CNTLN: variants seen among roughly 807,000 people sequenced by gnomAD.
The protein encoded by CNTLN is centlein, centrosomal protein.
In CNTLN, 212 loss-of-function variants were observed where a neutral mutation model predicts 180.0. That is an observed-to-expected ratio of 1.18 (90% CI 1.05 to 1.32). The LOEUF (loss-of-function observed/expected upper bound fraction) is 1.32. Among genes scored for constraint, CNTLN ranks in the 40% most tolerant of loss-of-function variants. The pLI is 0.00. For missense variants in CNTLN, 2,095 were observed against 1,610.9 expected (o/e 1.30, Z -5.14); for synonymous variants, 722 against 563.1 (o/e 1.28, Z -3.99).
intron 8 of CNTLN, among the ~76,000 whole-genome samples, chr9:17,325,378 A>ATGTGTGTGTG (rs74311460): frequency 6.2e-5 from 8 of 128,090 alleles, no homozygotes; most frequent in Admixed American, 2.3e-4. Flanking sequence ...ATGTGTATGT[A>ATGTGTGTGTG]TGTGTGTGTG....
At chr9:17,289,923 A>G (rs1347374608) in intron 6 of CNTLN, among the ~76,000 whole-genome samples, 2 of 145,786 alleles carry the variant, frequency 1.4e-5, no homozygotes, top group Non-Finnish European at 3.0e-5. Context: ...AATTTTTTTC[A>G]AAGTTTTCAA....
rs978413191 is a variant in CNTLN, at chr9:17,236,369, T to C, written c.670-40T>C. 2.0e-6 allele frequency: 3 copies of C among 1,503,116 alleles called. No individual in the cohort carries two copies. In the South Asian group the frequency reaches 4.1e-5, roughly 21 times the overall value. The allele number at this position is 1,503,116 out of a possible 1,614,324, so 93.1% of individuals were successfully genotyped here. On this transcript the variant is annotated intron_variant, in intron 4 of 25. Coordinates refer to ENST00000380647, the MANE Select transcript of CNTLN (RefSeq NM_017738.4). ...ACCATTTTTTGGGTTTTTTGTTTCG[T>C]TTTGTTTTATTTATTTGCCCTTGTG... is the stretch of plus-strand genomic sequence containing the variant.
At chr9:17,222,664 G>T (rs772098712) in intron 2 of CNTLN, among the ~76,000 whole-genome samples, 5 of 151,928 alleles carry the variant, frequency 3.3e-5, no homozygotes, top group Non-Finnish European at 7.4e-5. Flanking sequence ...CCAGTCTCGG[G>T]TATGTCTTTA....
intron 2 of CNTLN, among the ~76,000 whole-genome samples, chr9:17,146,282 C>G (rs564023128): frequency 7.9e-5 from 12 of 152,102 alleles, no homozygotes; most frequent in African/African-American, 2.7e-4. Context: ...CTTCTTCTCT[C>G]TTTTCTCTCT....
the CNTLN span, among the ~76,000 whole-genome samples, chr9:17,526,694 A>G: frequency 7.9e-5 from 12 of 152,352 alleles, no homozygotes; most frequent in African/African-American, 2.9e-4. Flanking sequence ...TAGCCAAGTC[A>G]TACGTATATT....
At chr9:17,356,024 A>G (rs1022738995) in intron 12 of CNTLN, among the ~76,000 whole-genome samples, 35 of 149,658 alleles carry the variant, frequency 2.3e-4, no homozygotes, top group African/African-American at 8.4e-4. Flanking sequence ...AGATCACGCC[A>G]CTGCACTCCA....
At chr9:17,298,080 A>G in intron 6 of CNTLN, 110 bp from the exon 7 acceptor site, 1 of 861,744 alleles carries the variant, frequency 1.2e-6, no homozygotes, top group South Asian at 4.1e-5. Context: ...CTGCAGTACA[A>G]ATAACAGATG....
intron 25 of CNTLN, among the ~76,000 whole-genome samples, chr9:17,499,540 T>C (rs1833635849): frequency 6.6e-6 from 1 of 152,190 alleles, no homozygotes; most frequent in Non-Finnish European, 1.5e-5. Flanking sequence ...GTTAGTGCAT[T>C]CATTATTTGA....
intron 25 of CNTLN, among the ~76,000 whole-genome samples, chr9:17,487,549 C>T (rs924823970): frequency 6.6e-6 from 1 of 152,086 alleles, no homozygotes; most frequent in Non-Finnish European, 1.5e-5. Context: ...CTACTGAGAC[C>T]TCGAGCAGCT....
intron 18 of CNTLN, among the ~76,000 whole-genome samples, chr9:17,429,197 A>G (rs902073012): frequency 1.3e-5 from 2 of 152,094 alleles, no homozygotes; most frequent in African/African-American, 4.8e-5. Flanking sequence ...GCAGATTCAT[A>G]GTAGCAACAC....
At chr9:17,167,219 T>C in intron 2 of CNTLN, 1 of 165,926 alleles carries the variant, frequency 6.0e-6, no homozygotes, top group Non-Finnish European at 1.3e-5. Context: ...AAATCATCAC[T>C]TACTTGCAGG....
chr9:17,390,017 A>T (rs1314982054), intron 14 of CNTLN, among the ~76,000 whole-genome samples: 1 of 152,184 alleles, frequency 6.6e-6, no homozygotes, highest in Non-Finnish European at 1.5e-5. Context: ...CAGGGAAAAG[A>T]TAGCCATTTA....
chr9:17,482,094 C>T (rs752453192), intron 23 of CNTLN, among the ~76,000 whole-genome samples: 1 of 151,994 alleles, frequency 6.6e-6, no homozygotes, highest in Non-Finnish European at 1.5e-5. Flanking sequence ...AAATAATTAA[C>T]CCTAAGTAAA....
intron 2 of CNTLN, among the ~76,000 whole-genome samples, chr9:17,221,308 A>G (rs1824120848): frequency 6.6e-6 from 1 of 152,064 alleles, no homozygotes; most frequent in Non-Finnish European, 1.5e-5. Context: ...AAAATATAAA[A>G]TGGCAGATAT....
At chr9:17,203,963 C>T (rs1202478093) in intron 2 of CNTLN, among the ~76,000 whole-genome samples, 1 of 152,192 alleles carries the variant, frequency 6.6e-6, no homozygotes, top group Non-Finnish European at 1.5e-5. Context: ...GCTATTGATA[C>T]TTGTGTTTGC....
intron 6 of CNTLN, among the ~76,000 whole-genome samples, chr9:17,283,639 T>C (rs1828798300): frequency 6.6e-6 from 1 of 152,184 alleles, no homozygotes; most frequent in Non-Finnish European, 1.5e-5. Context: ...CTATGTTGAA[T>C]AGAAGTGGTG....
At chr9:17,507,916 A>G (rs1356770589), downstream of CNTLN, among the ~76,000 whole-genome samples, 1 of 152,182 alleles carries the variant, frequency 6.6e-6, no homozygotes, top group East Asian at 1.9e-4. Flanking sequence ...CCTTTCACCT[A>G]GGAAATGATC....
chr9:17,278,291 C>T (rs989817404), intron 6 of CNTLN, among the ~76,000 whole-genome samples: 2 of 150,740 alleles, frequency 1.3e-5, no homozygotes, highest in Non-Finnish European at 2.9e-5. Flanking sequence ...TACTCTTTTT[C>T]AGAACTTTTC....
At chr9:17,470,437 GT>G (rs1304965244) in intron 23 of CNTLN, among the ~76,000 whole-genome samples, 1 of 151,886 alleles carries the variant, frequency 6.6e-6, no homozygotes, top group African/African-American at 2.4e-5. Flanking sequence ...TAGTAATAAT[GT>G]TTGTTCTGGC....
Sources: gnomAD v4.1 joint callset for allele counts (sites outside exome capture counted in the v4.1 genomes callset) on GRCh38, gnomAD v4.1.1 for gene constraint, MANE v1.5 for transcripts, NCBI Gene and HGNC (gene_info 2026-07-23, HGNC 2026-07-21) for gene names.